The following COL5A2 variants were observed in gnomAD, a reference collection of about 807,000 sequenced individuals.
COL5A2 encodes the protein collagen type V alpha 2 chain, also known as collagen alpha-2(V) chain.
Under a neutral mutation model 208.2 loss-of-function variants are expected in COL5A2, and 23 were observed. That is an observed-to-expected ratio of 0.11 (90% CI 0.08 to 0.16). The LOEUF (loss-of-function observed/expected upper bound fraction) is 0.16, where lower values mean the gene tolerates loss of function less well. Ranked by LOEUF, COL5A2 falls within the 10% of genes least tolerant of loss-of-function variation. The pLI is 1.00. For synonymous variants in COL5A2, 625 were observed against 628.5 expected, an observed-to-expected ratio of 0.99 and a Z score of 0.08; for missense variants, 1,590 against 1,956.4, an observed-to-expected ratio of 0.81 and a Z score of 3.53.
chr2:189,310,493 C>T, the COL5A2 span, among the ~76,000 whole-genome samples: 19 of 152,150 alleles, frequency 1.2e-4, no homozygotes, highest in African/African-American at 4.6e-4. Context: ...ATTAGTACAA[C>T]CACTATGGGG....
chr2:189,163,674 C>T (rs1688413827), intron 1 of COL5A2, among the ~76,000 whole-genome samples: 1 of 152,194 alleles, frequency 6.6e-6, no homozygotes, highest in South Asian at 2.1e-4. Context: ...ATGTGTGATG[C>T]TTCGAGTTAC....
the COL5A2 span, among the ~76,000 whole-genome samples, chr2:189,430,383 G>C: frequency 6.6e-6 from 1 of 152,170 alleles, no homozygotes; most frequent in African/African-American, 2.4e-5. Flanking sequence ...AGATGTTAGG[G>C]CCTGAGGTCA....
the COL5A2 span, among the ~76,000 whole-genome samples, chr2:189,380,210 T>A: frequency 6.6e-6 from 1 of 152,024 alleles, no homozygotes; most frequent in Admixed American, 6.6e-5. Context: ...GGAAGGTAGA[T>A]GAGATATTCC....
chr2:189,240,182 A>G, the COL5A2 span, among the ~76,000 whole-genome samples: 1 of 152,232 alleles, frequency 6.6e-6, no homozygotes, highest in Non-Finnish European at 1.5e-5. Flanking sequence ...TAATTGGGTC[A>G]GGCTGCTATA....
At chr2:189,211,557 A>G (rs1322990644) in intron 1 of COL5A2, among the ~76,000 whole-genome samples, 1 of 152,170 alleles carries the variant, frequency 6.6e-6, no homozygotes, top group Admixed American at 6.5e-5. Flanking sequence ...ACTCCAGTAG[A>G]AAAATAGGCA....
intron 1 of COL5A2, among the ~76,000 whole-genome samples, chr2:189,177,456 C>G (rs909663086): frequency 6.6e-6 from 1 of 152,162 alleles, no homozygotes; most frequent in African/African-American, 2.4e-5. Context: ...TTAAGCAGCT[C>G]TGAATATACT....
chr2:189,397,570 A>G, the COL5A2 span, among the ~76,000 whole-genome samples: 1 of 152,022 alleles, frequency 6.6e-6, no homozygotes. Flanking sequence ...AGTTTTAAGA[A>G]AAATTTTCAT....
chr2:189,335,040 G>A, the COL5A2 span, among the ~76,000 whole-genome samples: 1 of 151,916 alleles, frequency 6.6e-6, no homozygotes, highest in Admixed American at 6.5e-5. Flanking sequence ...ATCCTTGGCA[G>A]TTACTTCACA....
chr2:189,378,802 T>G, the COL5A2 span, among the ~76,000 whole-genome samples: 1 of 152,098 alleles, frequency 6.6e-6, no homozygotes, highest in African/African-American at 2.4e-5. Context: ...CTCCAGATTT[T>G]AAAAGAAAAT....
the COL5A2 span, among the ~76,000 whole-genome samples, chr2:189,428,733 C>T: frequency 6.6e-6 from 1 of 152,190 alleles, no homozygotes; most frequent in Admixed American, 6.6e-5. Flanking sequence ...CTGAGGCCTC[C>T]CAGAAGCTGA....
At chr2:189,283,841 A>T in the COL5A2 span, among the ~76,000 whole-genome samples, 3 of 152,156 alleles carry the variant, frequency 2.0e-5, no homozygotes, top group Non-Finnish European at 4.4e-5. Context: ...GTTTATTTTT[A>T]AAATATGAGC....
intron 1 of COL5A2, among the ~76,000 whole-genome samples, chr2:189,208,474 C>A (rs558359101): frequency 6.6e-6 from 1 of 152,140 alleles, no homozygotes; most frequent in South Asian, 2.1e-4. Flanking sequence ...GCAGAAGAGG[C>A]AACAGATGCA....
chr2:189,117,220 C>G (rs1687409421), intron 1 of COL5A2, among the ~76,000 whole-genome samples: 1 of 152,160 alleles, frequency 6.6e-6, no homozygotes, highest in African/African-American at 2.4e-5. Flanking sequence ...ACAGTTCTGT[C>G]TGGAAGAGCA....
At chr2:189,382,152 T>G in the COL5A2 span, among the ~76,000 whole-genome samples, 2 of 152,160 alleles carry the variant, frequency 1.3e-5, no homozygotes, top group Admixed American at 6.5e-5. Flanking sequence ...GCTAAACAAC[T>G]CACATGCTAA....
At chr2:189,160,064 A>C (rs1688328736) in intron 1 of COL5A2, among the ~76,000 whole-genome samples, 1 of 152,132 alleles carries the variant, frequency 6.6e-6, no homozygotes. Context: ...GGTGACTAAA[A>C]TTGCCATCCT....
At chr2:189,308,670 A>G in the COL5A2 span, among the ~76,000 whole-genome samples, 1 of 152,080 alleles carries the variant, frequency 6.6e-6, no homozygotes, top group African/African-American at 2.4e-5. Context: ...TAACCTAGAC[A>G]TTTCTTTCTA....
At position 189,083,555 on chromosome 2, in the gene COL5A2, T is replaced by C. The variant is rs528747516; in HGVS notation, c.852+429A>G. On this transcript the variant is annotated intron_variant, in intron 12 of 53. Coordinates refer to ENST00000374866, the MANE Select transcript of COL5A2 (RefSeq NM_000393.5). ...AAAAAACAAGGCAACAAGCTTTTCTTCAAGCTATTATTTAGACATATGTGA... is the reference window on the plus strand; with the variant it reads ...AAAAAACAAGGCAACAAGCTTTTCTCCAAGCTATTATTTAGACATATGTGA... 1.4e-3 allele frequency among the ~76,000 whole-genome samples: 220 copies of C among 152,216 alleles called. 1 individual carries two copies. The highest frequency in any genetic ancestry group is 5.1e-3 in the African/African-American group (212 of 41,530).
chr2:189,329,541 C>A, the COL5A2 span, among the ~76,000 whole-genome samples: 1 of 152,008 alleles, frequency 6.6e-6, no homozygotes, highest in Non-Finnish European at 1.5e-5. Context: ...TTTTGGTAAT[C>A]ATTTTATAAT....
intron 1 of COL5A2, among the ~76,000 whole-genome samples, chr2:189,157,358 G>A (rs1455317699): frequency 6.6e-6 from 1 of 151,402 alleles, no homozygotes; most frequent in Non-Finnish European, 1.5e-5. Flanking sequence ...CAAAGTTAAA[G>A]GCAAAAAAGA....
Sources: gnomAD v4.1 joint callset for allele counts (sites outside exome capture counted in the v4.1 genomes callset) on GRCh38, gnomAD v4.1.1 for gene constraint, MANE v1.5 for transcripts, NCBI Gene and HGNC (gene_info 2026-07-23, HGNC 2026-07-21) for gene names.